Variants in ARHGAP28 observed in about 807,000 individuals in gnomAD.
ARHGAP28 encodes the protein Rho GTPase activating protein 28.
ARHGAP28 carries 56 observed loss-of-function variants against 90.7 expected under a neutral mutation model. The observed-to-expected ratio is 0.62, with a 90% CI of 0.50 to 0.77. The LOEUF is 0.77. ARHGAP28 is among the 30% of genes least tolerant of loss of function. The probability of loss-of-function intolerance (pLI) is 0.00; values close to 1 mark genes in which losing one functional copy is unlikely to be tolerated. For synonymous variants in ARHGAP28, 308 were observed against 323.3 expected (o/e 0.95, Z 0.51); for missense variants, 869 against 900.9 (o/e 0.96, Z 0.45).
intron 16 of ARHGAP28, chr18:6,898,112 AG>A (rs1401216128): frequency 5.7e-6 from 1 of 176,546 alleles, no homozygotes; most frequent in East Asian, 1.5e-4. Flanking sequence ...TTAAAAGAAA[AG>A]TAGCCAGTAA....
At chr18:6,839,403 C>T (rs1188633458) in intron 3 of ARHGAP28, among the ~76,000 whole-genome samples, 6 of 151,600 alleles carry the variant, frequency 4.0e-5, no homozygotes, top group African/African-American at 1.5e-4. Flanking sequence ...ACGCCATTCT[C>T]CCCCCTCAGC....
intron 1 of ARHGAP28, among the ~76,000 whole-genome samples, chr18:6,794,385 T>C (rs1600190186): frequency 6.6e-6 from 1 of 152,312 alleles, no homozygotes; most frequent in South Asian, 2.1e-4. Flanking sequence ...CTTGAGCATG[T>C]AGCAGGAAAA....
chr18:6,909,104 T>G (rs1351754771), intron 17 of ARHGAP28, 80 bp downstream of exon 17: 3 of 864,612 alleles, frequency 3.5e-6, no homozygotes, highest in Non-Finnish European at 5.5e-6. Context: ...CATAAAGGTA[T>G]GTTTTATGAA....
chr18:6,819,974 T>C (rs2056615949), intron 1 of ARHGAP28, among the ~76,000 whole-genome samples: 1 of 152,200 alleles, frequency 6.6e-6, no homozygotes, highest in Non-Finnish European at 1.5e-5. Flanking sequence ...ACTCCAGTTT[T>C]CTAGAGTTCT....
intron 1 of ARHGAP28, among the ~76,000 whole-genome samples, chr18:6,785,996 G>T (rs537386823): frequency 6.6e-5 from 10 of 152,304 alleles, no homozygotes; most frequent in African/African-American, 2.2e-4. Flanking sequence ...CTTCATATGG[G>T]TTGACATTAA....
chr18:6,884,463 T>C (rs1019236972), intron 11 of ARHGAP28, among the ~76,000 whole-genome samples: 7 of 152,256 alleles, frequency 4.6e-5, no homozygotes, highest in Non-Finnish European at 1.0e-4. Flanking sequence ...GGTTACACTT[T>C]CCTTGTTACT....
chr18:6,837,480 C>A, intron 3 of ARHGAP28, 66 bp downstream of exon 3: 5 of 988,602 alleles, frequency 5.1e-6, no homozygotes, highest in Admixed American at 2.0e-5. Flanking sequence ...TAGGGTGGGG[C>A]TGGGGTGGAA....
At chr18:6,791,727 T>C (rs1169837580) in intron 1 of ARHGAP28, 2 of 152,232 alleles carry the variant, frequency 1.3e-5, no homozygotes, top group African/African-American at 4.8e-5. Context: ...TATGGTTGTA[T>C]TGCTGTAAAG....
chr18:6,906,090 T>C (rs1023969960), intron 16 of ARHGAP28, among the ~76,000 whole-genome samples: 1 of 151,838 alleles, frequency 6.6e-6, no homozygotes, highest in African/African-American at 2.4e-5. Flanking sequence ...TAAAATATAT[T>C]GAAAAAGAAA....
chr18:6,792,186 T>G (rs1029090849), intron 1 of ARHGAP28, among the ~76,000 whole-genome samples: 1 of 152,178 alleles, frequency 6.6e-6, no homozygotes, highest in Admixed American at 6.5e-5. Flanking sequence ...CAAATGGGTG[T>G]GAGAAGACTT....
At chr18:6,828,322 G>T (rs1405768275) in intron 2 of ARHGAP28, among the ~76,000 whole-genome samples, 1 of 152,150 alleles carries the variant, frequency 6.6e-6, no homozygotes, top group South Asian at 2.1e-4. Context: ...CTTCGGCTCG[G>T]CATCAGAGGG....
At chr18:6,841,180 C>CCTCTCTCTCTCT (rs143797436) in intron 3 of ARHGAP28, among the ~76,000 whole-genome samples, 6 of 57,066 alleles carry the variant, frequency 1.1e-4, no homozygotes, top group East Asian at 4.9e-4. Context: ...CTCTCTCTCT[C>CCTCTCTCTCTCT]CTCTCTCTCT....
intron 1 of ARHGAP28, among the ~76,000 whole-genome samples, chr18:6,814,725 A>G (rs2056578970): frequency 6.6e-6 from 1 of 152,218 alleles, no homozygotes; most frequent in Admixed American, 6.5e-5. Context: ...CTACATAATC[A>G]AAATATATAC....
At chr18:6,743,958 T>C (rs2056000705) in intron 1 of ARHGAP28, among the ~76,000 whole-genome samples, 1 of 152,200 alleles carries the variant, frequency 6.6e-6, no homozygotes, top group African/African-American at 2.4e-5. Flanking sequence ...AACTGTCTCT[T>C]ATCTCTGTAT....
intron 1 of ARHGAP28, among the ~76,000 whole-genome samples, chr18:6,747,593 A>T (rs970945005): frequency 6.6e-6 from 1 of 152,200 alleles, no homozygotes; most frequent in Non-Finnish European, 1.5e-5. Context: ...TAAAATATTG[A>T]ATTAAATATT....
At chr18:6,893,578 A>T (rs1032597120) in intron 14 of ARHGAP28, among the ~76,000 whole-genome samples, 1 of 152,112 alleles carries the variant, frequency 6.6e-6, no homozygotes, top group Non-Finnish European at 1.5e-5. Flanking sequence ...GTTACTACCC[A>T]TATGAGCCTG....
rs913781197 is a variant in ARHGAP28 at position 6,914,048 on chromosome 18, T to C, written c.*1894T>C. 5 of 152,200 alleles carry C rather than the reference T, an allele frequency of 3.3e-5. No homozygotes were observed. Among genetic ancestry groups the C allele is most frequent in the Non-Finnish European group, 7.3e-5 (5 of 68,036 alleles). The allele number at this position is 152,200 out of a possible 1,614,324, so 9.4% of individuals were successfully genotyped here. On this transcript the variant is annotated 3_prime_UTR_variant, in exon 18 of 18. Coordinates refer to ENST00000383472, the MANE Select transcript of ARHGAP28 (RefSeq NM_001366230.1). Reference sequence around the variant, plus strand: ...ATGAAAACTGAATGATATTTCTCAGTGTATTTCCTTGCATTTGAATGGTTC... The same window carrying C: ...ATGAAAACTGAATGATATTTCTCAGCGTATTTCCTTGCATTTGAATGGTTC...
rs541020396 is a variant in ARHGAP28 at position 6,736,443 on chromosome 18, CAAAGGAAAAA to C, written c.122+6503_122+6512del. On this transcript the variant is annotated intron_variant, in intron 1 of 17. Transcript: ENST00000383472. ...GGAAGCAAATGTTTATTAATAGGCT[CAAAGGAAAAA>C]AATCGGCTGGGTGCAGTGGCTCACA... Among the ~76,000 whole-genome samples the C allele has an allele frequency of 3.7e-3, 562 of 151,526 alleles. 4 individuals carry two copies. The highest frequency in any genetic ancestry group is 4.9e-3 in the Non-Finnish European group (330 of 67,904).
At position 6,837,369 on chromosome 18, in the gene ARHGAP28, A is replaced by G. The variant is rs1240649872; in HGVS notation, c.498A>G (p.Gln166=). 2.5e-6 allele frequency: 4 copies of G among 1,613,720 alleles called. No individual in the cohort carries two copies. Among genetic ancestry groups the G allele is most frequent in the Non-Finnish European group, 3.4e-6 (4 of 1,179,960 alleles). ...AAACCATGAGGAAAAAGGATAAGCA[A>G]TCTATCAGGGATGTCAGAGACATTT... ...YTQTMRKKDK[Q]SIRDVRDIFG... is the part of the protein sequence containing the mutation. Residue 166 remains glutamine, a synonymous_variant, in exon 3 of 18, where the codon CAA becomes CAG. Coordinates refer to ENST00000383472, the MANE Select transcript of ARHGAP28 (RefSeq NM_001366230.1).
Sources: gnomAD v4.1 joint callset for allele counts (sites outside exome capture counted in the v4.1 genomes callset) on GRCh38, gnomAD v4.1.1 for gene constraint, MANE v1.5 for transcripts, NCBI Gene and HGNC (gene_info 2026-07-23, HGNC 2026-07-21) for gene names.